The following CCNB3 variants were observed in gnomAD, a reference collection of about 807,000 sequenced individuals.
CCNB3 encodes the protein G2/mitotic-specific cyclin-B3.
In CCNB3, 12 loss-of-function variants were observed where a neutral mutation model predicts 68.0. The ratio of observed to expected loss-of-function variants is 0.18; its 90% confidence interval spans 0.11 to 0.29. The LOEUF (loss-of-function observed/expected upper bound fraction) is 0.29. CCNB3 is among the 10% of genes least tolerant of loss of function. The pLI, the probability that CCNB3 is intolerant of heterozygous loss-of-function variation, is 1.00. For missense variants in CCNB3, 904 were observed against 993.1 expected (o/e 0.91, Z 1.21); for synonymous variants, 354 against 388.9 (o/e 0.91, Z 1.06).
chrX:50,345,161 C>A (rs1923341172), intron 9 of CCNB3, among the ~76,000 whole-genome samples: 2 of 107,069 alleles, frequency 1.9e-5, no homozygotes, highest in African/African-American at 6.9e-5. Flanking sequence ...CACTCACCAC[C>A]CCACTCTCCT....
intron 1 of CCNB3, among the ~76,000 whole-genome samples, chrX:50,219,554 C>T (rs1935636858): frequency 9.0e-6 from 1 of 111,059 alleles, no homozygotes; most frequent in Non-Finnish European, 1.9e-5. Flanking sequence ...TTGTTTTTGT[C>T]AAGTTTGTCA....
chrX:50,333,336 A>G (rs1303289385), intron 8 of CCNB3, among the ~76,000 whole-genome samples: 1 of 111,461 alleles, frequency 9.0e-6, no homozygotes, highest in Admixed American at 9.5e-5. Flanking sequence ...TACACACACG[A>G]ACCAGCAAGT....
chrX:50,349,413 G>C lies in CCNB3; in HGVS notation c.3960+1638G>C, dbSNP rs536713923. ...CCCACTTTACACTAAGGCATTGAAG[G>C]GTTTTTAGGCAGGGAGGTGACATGC... On this transcript the variant is annotated intron_variant, in intron 11 of 12. Transcript: ENST00000376042. Among the ~76,000 whole-genome samples the C allele has an allele frequency of 9.8e-5, 11 of 112,269 alleles. No homozygotes were observed. The East Asian group carries it at 2.5e-3, about 26-fold the overall frequency.
intron 1 of CCNB3, among the ~76,000 whole-genome samples, chrX:50,215,225 G>A (rs1291397193): frequency 9.1e-6 from 1 of 109,851 alleles, no homozygotes; most frequent in African/African-American, 3.3e-5. Context: ...TCCTGACCTC[G>A]TGATCCACCC....
At chrX:50,286,659 TG>T (rs1936243938) in intron 3 of CCNB3, among the ~76,000 whole-genome samples, 1 of 102,699 alleles carries the variant, frequency 9.7e-6, no homozygotes, top group South Asian at 4.7e-4. Flanking sequence ...TTTGTTTGTT[TG>T]TTTTTTTTGA....
Position 50,285,190 on chromosome X carries a change from C to G in CCNB3, c.27C>G (p.Ser9Arg). 8.3e-7 allele frequency: 1 copy of G among 1,210,453 alleles called. No individual in the cohort carries two copies. The highest frequency in any genetic ancestry group is 1.1e-6 in the Non-Finnish European group (1 of 894,437). Residue 9 changes from serine (S) to arginine (R), a missense_variant, in exon 3 of 13, where the codon AGC (serine) becomes AGG (arginine). By Grantham distance (110) the Ser-to-Arg change is moderately radical (BLOSUM62 -1). This residue lies in a region of CCNB3 where 619 missense variants were observed against 609.8 expected (regional missense o/e 1.02). Coordinates refer to ENST00000376042, the MANE Select transcript of CCNB3 (RefSeq NM_033031.3). MLLPLPPQ[S>R]SKPVPKKSQS... ...TGCTACTGCCACTACCACCCCAGAGCTCCAAACCTGTGCCTAAGAAATCTC... is the reference window on the plus strand; with the variant it reads ...TGCTACTGCCACTACCACCCCAGAGGTCCAAACCTGTGCCTAAGAAATCTC...
chrX:50,318,871 A>G (rs1453139270), intron 8 of CCNB3, among the ~76,000 whole-genome samples: 2 of 111,584 alleles, frequency 1.8e-5, no homozygotes, highest in Non-Finnish European at 3.8e-5. Flanking sequence ...GGGAGTCTGG[A>G]ACTTCAGAAC....
intron 8 of CCNB3, among the ~76,000 whole-genome samples, chrX:50,319,958 C>T (rs1557216343): frequency 9.0e-6 from 1 of 110,794 alleles, no homozygotes; most frequent in African/African-American, 3.3e-5. Context: ...CTGAGATAAA[C>T]CCCATTTTGT....
intron 1 of CCNB3, among the ~76,000 whole-genome samples, chrX:50,228,558 G>C (rs1300439226): frequency 8.3e-5 from 7 of 84,388 alleles, no homozygotes; most frequent in African/African-American, 2.7e-4. Flanking sequence ...GATATATATA[G>C]AATACAGATA....
chrX:50,330,385 G>A (rs1922537834), intron 8 of CCNB3, among the ~76,000 whole-genome samples: 1 of 111,769 alleles, frequency 8.9e-6, no homozygotes. Context: ...TTTCACTTCT[G>A]CCTTTAACTC....
At chrX:50,324,579 A>G (rs1223294758) in intron 8 of CCNB3, among the ~76,000 whole-genome samples, 1 of 112,095 alleles carries the variant, frequency 8.9e-6, no homozygotes, top group Non-Finnish European at 1.9e-5. Context: ...GAACCAGCTC[A>G]TGGGTAAATA....
intron 1 of CCNB3, among the ~76,000 whole-genome samples, chrX:50,279,353 A>G (rs1239950176): frequency 1.4e-4 from 11 of 77,053 alleles, no homozygotes; most frequent in African/African-American, 5.8e-4. Context: ...ATATGAATAT[A>G]GGATATTTAT....
intron 8 of CCNB3, among the ~76,000 whole-genome samples, chrX:50,339,795 G>A (rs574678975): frequency 9.0e-6 from 1 of 111,008 alleles, no homozygotes; most frequent in South Asian, 3.9e-4. Flanking sequence ...GGGGCAAGGG[G>A]GTGGGGTAAG....
At position 50,304,033 on chromosome X, in the gene CCNB3, C is replaced by A. The variant is rs186699958; in HGVS notation, c.336-4472C>A. ...TGGTGTGTATTAGGAGCCTTAACTT[C>A]ATTGTTTTGAGTGTGGATGTCCAGT... is the stretch of plus-strand genomic sequence containing the variant. On this transcript the variant is annotated intron_variant, in intron 5 of 12. Transcript: ENST00000376042. Among the ~76,000 whole-genome samples, 42 of 111,568 alleles carry A rather than the reference C, an allele frequency of 3.8e-4. No individual in the cohort carries two copies. The East Asian group carries it at 7.3e-3, about 19-fold the overall frequency.
intron 1 of CCNB3, among the ~76,000 whole-genome samples, chrX:50,227,533 T>C (rs1935900192): frequency 1.4e-5 from 1 of 69,245 alleles, no homozygotes; most frequent in African/African-American, 5.2e-5. Flanking sequence ...GGAGAGAATA[T>C]ATATAAATAT....
chrX:50,300,479 T>G (rs782055922), intron 5 of CCNB3, among the ~76,000 whole-genome samples: 10 of 112,084 alleles, frequency 8.9e-5, no homozygotes, highest in Non-Finnish European at 1.5e-4. Flanking sequence ...TCTTCCGGCT[T>G]GTAGAGTTTC....
intron 5 of CCNB3, among the ~76,000 whole-genome samples, chrX:50,296,129 T>TA (rs1936454201): frequency 9.0e-6 from 1 of 110,595 alleles, no homozygotes; most frequent in Non-Finnish European, 1.9e-5. Context: ...TCTTTGTTTT[T>TA]TTATTATTAT....
At position 50,309,670 on chromosome X, in the gene CCNB3, A is replaced by G; in HGVS notation, c.1501A>G (p.Met501Val). ...LKRKHATQGT[M>V]SHLKKPLILQ... is the part of the protein sequence containing the mutation. ...GAGGAAGCATGCCACTCAGGGGACA[A>G]TGTCCCACTTGAAGAAACCACTAAT... The change falls in exon 6 of 13, where the codon ATG (methionine) becomes GTG (valine). Residue 501 changes from methionine to valine, a missense_variant. Physicochemically the swap from Met to Val is conservative, Grantham distance 21 (BLOSUM62 1). Coordinates refer to ENST00000376042, the MANE Select transcript of CCNB3 (RefSeq NM_033031.3). 1.7e-6 allele frequency: 2 copies of G among 1,210,617 alleles called. No individual in the cohort carries two copies. Among genetic ancestry groups the G allele is most frequent in the South Asian group, 3.5e-5 (2 of 56,810 alleles).
chrX:50,329,376 T>A (rs1422767698), intron 8 of CCNB3, among the ~76,000 whole-genome samples: 1 of 112,898 alleles, frequency 8.9e-6, no homozygotes, highest in Non-Finnish European at 1.9e-5. Flanking sequence ...GAAATCTAGG[T>A]GGAGGGTGCC....
Sources: allele counts gnomAD v4.1 joint callset (sites outside exome capture counted in the v4.1 genomes callset), GRCh38; gene constraint gnomAD v4.1.1; regional missense constraint gnomAD v4.1.1; transcripts MANE v1.5; gene names NCBI Gene and HGNC (gene_info 2026-07-23, HGNC 2026-07-21).